The following AK5 variants were observed in gnomAD, a reference collection of about 807,000 sequenced individuals.
The protein encoded by AK5 is adenylate kinase isoenzyme 5.
Under a neutral mutation model 69.5 loss-of-function variants are expected in AK5, and 27 were observed. That is an observed-to-expected ratio of 0.39 (90% CI 0.29 to 0.54). The LOEUF (loss-of-function observed/expected upper bound fraction) is 0.54. AK5 is among the 20% of genes least tolerant of loss of function. The probability of loss-of-function intolerance (pLI) is 0.71; values close to 1 mark genes in which losing one functional copy is unlikely to be tolerated. For missense variants in AK5, 531 were observed against 700.4 expected, an observed-to-expected ratio of 0.76 and a Z score of 2.73; for synonymous variants, 260 against 244.4, an observed-to-expected ratio of 1.06 and a Z score of -0.60.
At chr1:77,445,597 T>G (rs1461428315) in intron 8 of AK5, among the ~76,000 whole-genome samples, 1 of 152,214 alleles carries the variant, frequency 6.6e-6, no homozygotes, top group Admixed American at 6.5e-5. Flanking sequence ...CATACTTTAT[T>G]TTTTTGAGAC....
chr1:77,349,779 A>T (rs1002810690), intron 6 of AK5, among the ~76,000 whole-genome samples: 10 of 152,198 alleles, frequency 6.6e-5, no homozygotes, highest in African/African-American at 2.2e-4. Flanking sequence ...TTGTTTATCT[A>T]TACTACTATC....
intron 5 of AK5, among the ~76,000 whole-genome samples, chr1:77,337,447 A>G (rs918264488): frequency 5.3e-5 from 8 of 152,194 alleles, no homozygotes; most frequent in African/African-American, 1.9e-4. Flanking sequence ...AATATGCGTT[A>G]TCTCCAAACC....
intron 5 of AK5, among the ~76,000 whole-genome samples, chr1:77,331,318 CA>C (rs1186691844): frequency 6.6e-6 from 1 of 152,082 alleles, no homozygotes; most frequent in Admixed American, 6.5e-5. Flanking sequence ...AAGGTTTCAA[CA>C]TTTCCCAATT....
In AK5 at chr1:77,383,299, C is replaced by T. The variant is rs75149841; in HGVS notation, c.892-27682C>T. Among the ~76,000 whole-genome samples, 753 of 152,128 alleles carry T rather than the reference C, an allele frequency of 4.9e-3. 8 individuals are homozygous for T. The highest frequency in any genetic ancestry group is 0.017 in the African/African-American group (703 of 41,522). The stretch of plus-strand genomic sequence containing the variant: ...AAACAAGAGTACACTTTAGTGCACT[C>T]AAGTTATCTATATTATTAAGGATTC... On this transcript the variant is annotated intron_variant, in intron 6 of 13. Coordinates refer to ENST00000354567, the MANE Select transcript of AK5 (RefSeq NM_174858.3).
chr1:77,299,400 T>C (rs1160766348), intron 5 of AK5, among the ~76,000 whole-genome samples: 1 of 152,104 alleles, frequency 6.6e-6, no homozygotes, highest in Non-Finnish European at 1.5e-5. Context: ...AAATATGATG[T>C]CAGTTTATGC....
intron 11 of AK5, among the ~76,000 whole-genome samples, chr1:77,519,599 GGAC>G: frequency 6.6e-6 from 1 of 152,224 alleles, no homozygotes; most frequent in East Asian, 1.9e-4. Flanking sequence ...GCTGCTCCAT[GGAC>G]AAAGCAGCCC....
At chr1:77,439,218 C>G (rs541973402) in intron 8 of AK5, among the ~76,000 whole-genome samples, 1 of 152,198 alleles carries the variant, frequency 6.6e-6, no homozygotes, top group South Asian at 2.1e-4. Context: ...CTGTAGTAAT[C>G]TATGTGCATA....
At chr1:77,286,648 A>G (rs1480148803) in intron 1 of AK5, among the ~76,000 whole-genome samples, 1 of 151,938 alleles carries the variant, frequency 6.6e-6, no homozygotes, top group East Asian at 1.9e-4. Flanking sequence ...GGAGTTCGAA[A>G]CCAACCTGGC....
At chr1:77,298,332 T>C (rs976700783) in intron 5 of AK5, among the ~76,000 whole-genome samples, 1 of 152,124 alleles carries the variant, frequency 6.6e-6, no homozygotes, top group African/African-American at 2.4e-5. Flanking sequence ...GAAACTTTCT[T>C]CAGGTTGTGA....
intron 6 of AK5, among the ~76,000 whole-genome samples, chr1:77,372,777 G>A (rs570322952): frequency 4.6e-5 from 7 of 151,866 alleles, no homozygotes; most frequent in Admixed American, 4.6e-4. Context: ...GTGTGCGTGT[G>A]TGTGTGTGTG....
intron 6 of AK5, among the ~76,000 whole-genome samples, chr1:77,356,129 T>G (rs1662514903): frequency 6.6e-6 from 1 of 152,158 alleles, no homozygotes; most frequent in African/African-American, 2.4e-5. Flanking sequence ...ACATCAAATT[T>G]TGACATTTTT....
chr1:77,313,542 G>A (rs1021919607), intron 5 of AK5, among the ~76,000 whole-genome samples: 1 of 152,078 alleles, frequency 6.6e-6, no homozygotes, highest in Non-Finnish European at 1.5e-5. Context: ...TGTTAGGCAA[G>A]GTAGGTGCTC....
chr1:77,282,488 G>A, intron 1 of AK5, 115 bp downstream of exon 1: 3 of 1,403,698 alleles, frequency 2.1e-6, no homozygotes, highest in Non-Finnish European at 2.8e-6. Flanking sequence ...TAATGAAGGG[G>A]CTTGTAGAAG....
At chr1:77,461,276 A>G (rs914588392) in intron 8 of AK5, among the ~76,000 whole-genome samples, 5 of 146,774 alleles carry the variant, frequency 3.4e-5, no homozygotes, top group Admixed American at 1.3e-4. Flanking sequence ...CTCGTGATCC[A>G]CCCACCTCGA....
intron 5 of AK5, among the ~76,000 whole-genome samples, chr1:77,310,926 G>A (rs1443252512): frequency 6.6e-6 from 1 of 151,964 alleles, no homozygotes; most frequent in Non-Finnish European, 1.5e-5. Context: ...TAAATATCTT[G>A]TATGGTTTTG....
chr1:77,483,315 A>C lies in AK5; in HGVS notation c.1060-2A>C. 6.2e-7 allele frequency: 1 copy of C among 1,609,106 alleles called. No homozygotes were observed. Among genetic ancestry groups the C allele is most frequent in the Non-Finnish European group, 8.5e-7 (1 of 1,175,436 alleles). On this transcript the variant is annotated splice_acceptor_variant, in intron 8 of 13. Coordinates refer to ENST00000354567, the MANE Select transcript of AK5 (RefSeq NM_174858.3). LOFTEE classifies it high-confidence loss of function. ...TATCTAATATTGTGATTTTTTTAAC[A>C]GGGTGATGACCAGTTAAATGTATTT...
chr1:77,447,632 T>C (rs973298788), intron 8 of AK5, among the ~76,000 whole-genome samples: 1 of 152,356 alleles, frequency 6.6e-6, no homozygotes, highest in East Asian at 1.9e-4. Context: ...ATTAACCAGA[T>C]GACCTTGAAT....
At chr1:77,525,196 A>T (rs1658205716) in intron 12 of AK5, among the ~76,000 whole-genome samples, 1 of 152,244 alleles carries the variant, frequency 6.6e-6, no homozygotes, top group Admixed American at 6.5e-5. Context: ...GGCGTGAGCT[A>T]CCATGCCCAG....
intron 13 of AK5, among the ~76,000 whole-genome samples, chr1:77,536,686 C>G (rs72683615): frequency 6.6e-6 from 1 of 152,304 alleles, no homozygotes; most frequent in Non-Finnish European, 1.5e-5. Context: ...GACGTAGGCT[C>G]TGCCACTGAC....
Sources: gnomAD v4.1 joint callset for allele counts (sites outside exome capture counted in the v4.1 genomes callset) on GRCh38, gnomAD v4.1.1 for gene constraint, MANE v1.5 for transcripts, NCBI Gene and HGNC (gene_info 2026-07-23, HGNC 2026-07-21) for gene names.